Variants in STK24 observed in about 807,000 individuals in gnomAD.
STK24 encodes serine/threonine-protein kinase 24.
In STK24, 21 loss-of-function variants were observed where a neutral mutation model predicts 55.6. The observed-to-expected ratio is 0.38, with a 90% CI of 0.27 to 0.54. STK24 has a LOEUF of 0.54. STK24 is among the 20% of genes least tolerant of loss of function. The pLI is 0.79. For synonymous variants in STK24, 200 were observed against 215.2 expected, an observed-to-expected ratio of 0.93 and a Z score of 0.62; for missense variants, 383 against 538.4, an observed-to-expected ratio of 0.71 and a Z score of 2.86.
chr13:98,515,479 C>T (rs554949811), intron 2 of STK24, among the ~76,000 whole-genome samples: 2 of 151,910 alleles, frequency 1.3e-5, no homozygotes, highest in Non-Finnish European at 2.9e-5. Context: ...TGTGATCATC[C>T]TCAAGACCTT....
At chr13:98,540,763 C>CA (rs35957882) in intron 1 of STK24, among the ~76,000 whole-genome samples, 15,349 of 58,952 alleles carry the variant, frequency 0.26, 1,889 homozygotes, top group African/African-American at 0.34. Flanking sequence ...ATATTAAAAG[C>CA]AAAAAAAAAA....
chr13:98,473,752 C>G (rs1894256033), intron 5 of STK24, among the ~76,000 whole-genome samples: 1 of 152,252 alleles, frequency 6.6e-6, no homozygotes, highest in African/African-American at 2.4e-5. Flanking sequence ...TACCACTCAA[C>G]AGTGAGACGG....
In STK24 at chr13:98,446,049, C is replaced by T; in HGVS notation, c.*7124G>A. ...CAGGGAGAGCTGCTCTCTGTGCCCT[C>T]CTGGGGCAGGTGCCCGCTGTGCTTC... On this transcript the variant is annotated 3_prime_UTR_variant, in exon 11 of 11. Coordinates refer to ENST00000539966, the MANE Select transcript of STK24 (RefSeq NM_001032296.4). The T allele has an allele frequency of 7.6e-7, 1 of 1,312,830 alleles. No individual in the cohort carries two copies. The highest frequency in any genetic ancestry group is 1.2e-5 in the South Asian group (1 of 83,176). 81.3% of individuals were successfully genotyped at this position (1,312,830 alleles called of 1,614,324 possible). A position where few individuals can be genotyped will look rare whatever the true frequency, so the allele number is the denominator to read the frequency against.
intron 2 of STK24, among the ~76,000 whole-genome samples, chr13:98,513,779 G>A (rs188887538): frequency 6.6e-6 from 1 of 152,304 alleles, no homozygotes; most frequent in East Asian, 1.9e-4. Flanking sequence ...GCCTTTGAAG[G>A]AGCAAAGACA....
intron 2 of STK24, among the ~76,000 whole-genome samples, chr13:98,494,032 C>T (rs1383724689): frequency 4.9e-4 from 73 of 150,396 alleles, no homozygotes; most frequent in Non-Finnish European, 6.8e-4. Flanking sequence ...TTAGTACAGA[C>T]GGGGCTTCAC....
At chr13:98,512,176 C>CTG (rs752795441) in intron 2 of STK24, among the ~76,000 whole-genome samples, 7 of 152,196 alleles carry the variant, frequency 4.6e-5, no homozygotes, top group Admixed American at 2.6e-4. Context: ...GCGTGAGCCA[C>CTG]TGTGCCCAGC....
chr13:98,466,368 A>T lies in STK24; in HGVS notation c.783+8T>A, dbSNP rs755566806. On this transcript the variant is annotated splice_region_variant and intron_variant, in intron 6 of 10. Coordinates refer to ENST00000539966, the MANE Select transcript of STK24 (RefSeq NM_001032296.4). ...GAAGAGGTACGCTGTGATCCCTGGG[A>T]AACTTACAAAGCTCGGCTCCTTATT... The T allele has an allele frequency of 2.5e-6, 4 of 1,611,710 alleles. No individual in the cohort carries two copies. Among genetic ancestry groups the T allele is most frequent in the Non-Finnish European group, 3.4e-6 (4 of 1,179,692 alleles).
chr13:98,570,127 C>T (rs2139465893), intron 1 of STK24, among the ~76,000 whole-genome samples: 1 of 152,256 alleles, frequency 6.6e-6, no homozygotes, highest in East Asian at 1.9e-4. Flanking sequence ...GATCCACCTG[C>T]CTCAGCCTCC....
At chr13:98,463,107 T>C (rs1437771197) in intron 7 of STK24, among the ~76,000 whole-genome samples, 1 of 152,128 alleles carries the variant, frequency 6.6e-6, no homozygotes, top group African/African-American at 2.4e-5. Flanking sequence ...AACTTTAACT[T>C]CTGCCAAGGC....
chr13:98,557,198 G>A (rs1263209103), intron 1 of STK24, among the ~76,000 whole-genome samples: 1 of 152,176 alleles, frequency 6.6e-6, no homozygotes, highest in African/African-American at 2.4e-5. Flanking sequence ...GATAACAGCC[G>A]TCCCATGTTG....
At chr13:98,575,516 A>G (rs4129968) in intron 1 of STK24, among the ~76,000 whole-genome samples, 43,485 of 151,916 alleles carry the variant, frequency 0.29, 7,266 homozygotes, top group East Asian at 0.42. Flanking sequence ...TTCAAACCTG[A>G]ACAGTGAAAT....
At chr13:98,508,463 C>T (rs1895770948) in intron 2 of STK24, among the ~76,000 whole-genome samples, 1 of 152,188 alleles carries the variant, frequency 6.6e-6, no homozygotes, top group South Asian at 2.1e-4. Flanking sequence ...ACTAGCCTTT[C>T]AGGGTCAGCA....
chr13:98,517,896 G>A (rs1896123171), intron 2 of STK24, among the ~76,000 whole-genome samples: 1 of 152,192 alleles, frequency 6.6e-6, no homozygotes, highest in Non-Finnish European at 1.5e-5. Context: ...TACCAAGGAA[G>A]GAAAATACGC....
At chr13:98,457,344 C>T in intron 9 of STK24, 40 bp from the exon 10 acceptor site, 3 of 1,613,222 alleles carry the variant, frequency 1.9e-6, no homozygotes, top group Non-Finnish European at 2.5e-6. Context: ...TGAAGCACAC[C>T]AGCTGCAAAA....
At chr13:98,520,658 C>G (rs187168455) in intron 1 of STK24, among the ~76,000 whole-genome samples, 2 of 152,234 alleles carry the variant, frequency 1.3e-5, no homozygotes, top group East Asian at 3.8e-4. Context: ...TCATGAGTGA[C>G]GTGAGCCTCA....
Position 98,521,685 on chromosome 13 carries a change from G to A in STK24, c.43-2212C>T, listed in dbSNP as rs146846284. ...GGATGAGCAGCTTTCGGGGATGCGG[G>A]GGAAGCAGCGCATCCTTTTTTAGCT... On this transcript the variant is annotated intron_variant, in intron 1 of 10. Transcript: ENST00000539966. 5,218 of 717,620 alleles carry A rather than the reference G, an allele frequency of 7.3e-3. 30 individuals are homozygous for A. Among genetic ancestry groups the A allele is most frequent in the Non-Finnish European group, 0.01 (3,924 of 382,140 alleles). The allele number at this position is 717,620 out of a possible 1,614,324, so 44.5% of individuals were successfully genotyped here. A position where few individuals can be genotyped will look rare whatever the true frequency, so the allele number is the denominator to read the frequency against.
At chr13:98,469,533 A>ATC (rs1894057619) in intron 5 of STK24, among the ~76,000 whole-genome samples, 1 of 111,218 alleles carries the variant, frequency 9.0e-6, no homozygotes, top group Non-Finnish European at 2.0e-5. Context: ...AAGACCCTGC[A>ATC]TCCCCCCCCC....
At chr13:98,494,985 G>A (rs1895192651) in intron 2 of STK24, among the ~76,000 whole-genome samples, 1 of 152,208 alleles carries the variant, frequency 6.6e-6, no homozygotes, top group Non-Finnish European at 1.5e-5. Flanking sequence ...CCCTGTGGCA[G>A]CACATAAAAC....
At chr13:98,568,385 C>T (rs1897644664) in intron 1 of STK24, among the ~76,000 whole-genome samples, 1 of 152,284 alleles carries the variant, frequency 6.6e-6, no homozygotes, top group South Asian at 2.1e-4. Flanking sequence ...ATGAGTGAAC[C>T]AGGCAGAGCC....
Sources: gnomAD v4.1 joint callset for allele counts (sites outside exome capture counted in the v4.1 genomes callset) on GRCh38, gnomAD v4.1.1 for gene constraint, MANE v1.5 for transcripts, NCBI Gene and HGNC (gene_info 2026-07-23, HGNC 2026-07-21) for gene names.